MYH13: variants seen among roughly 807,000 people sequenced by gnomAD.
MYH13 encodes the protein myosin-13.
In MYH13, 177 loss-of-function variants were observed where a neutral mutation model predicts 232.1. The ratio of observed to expected loss-of-function variants is 0.76; its 90% CI spans 0.67 to 0.86. The LOEUF is 0.86. Ranked by LOEUF, MYH13 falls within the 40% of genes least tolerant of loss-of-function variation. MYH13 has a pLI of 0.00. For missense variants in MYH13, 2,246 were observed against 2,405.9 expected, an observed-to-expected ratio of 0.93 and a Z score of 1.39; for synonymous variants, 884 against 923.5, an observed-to-expected ratio of 0.96 and a Z score of 0.78.
chr17:10,339,917 G>A (rs2071608135), intron 18 of MYH13, among the ~76,000 whole-genome samples: 1 of 152,176 alleles, frequency 6.6e-6, no homozygotes, highest in Non-Finnish European at 1.5e-5. Flanking sequence ...CGTGAAATGT[G>A]CAAAGATCAT....
chr17:10,349,398 C>T (rs1288416573), intron 12 of MYH13, among the ~76,000 whole-genome samples: 1 of 151,908 alleles, frequency 6.6e-6, no homozygotes, highest in South Asian at 2.1e-4. Flanking sequence ...CTGTGCCCAG[C>T]CTGCTCATGA....
intron 23 of MYH13, among the ~76,000 whole-genome samples, chr17:10,323,397 C>A (rs1481072952): frequency 1.3e-5 from 2 of 152,004 alleles, no homozygotes; most frequent in African/African-American, 4.8e-5. Context: ...GCTATGGGAA[C>A]TGAAGAAGAA....
chr17:10,313,011 G>A, intron 30 of MYH13, 147 bp downstream of exon 30: 1 of 1,299,420 alleles, frequency 7.7e-7, no homozygotes, highest in East Asian at 2.5e-5. Context: ...AGGACAGGGA[G>A]ACCCCCAGAG....
At chr17:10,337,469 C>G (rs1483075846) in intron 18 of MYH13, among the ~76,000 whole-genome samples, 1 of 152,168 alleles carries the variant, frequency 6.6e-6, no homozygotes, top group African/African-American at 2.4e-5. Context: ...GAACAACTAG[C>G]AAGCCCCGTA....
chr17:10,340,564 G>A (rs1017494114), intron 16 of MYH13, among the ~76,000 whole-genome samples, 163 bp from the exon 17 acceptor site: 6 of 152,104 alleles, frequency 3.9e-5, no homozygotes, highest in Non-Finnish European at 7.4e-5. Context: ...TGTTGTCCAG[G>A]CTGGAGTGCA....
chr17:10,311,968 A>G lies in MYH13; in HGVS notation c.4474T>C (p.Tyr1492His). ...TCTAACTGGTCCACCACCTCCTCAT[A>G]GGCATTCCTCATCTTGAAGAGTTCA... Reference protein sequence around the residue: ...STELFKMRNAYEEVVDQLETL... With the variant: ...STELFKMRNAHEEVVDQLETL... The change falls in exon 32 of 41, where the codon TAT becomes CAT. Residue 1492 changes from tyrosine (Y) to histidine (H), a missense_variant. Coordinates refer to ENST00000252172, the MANE Select transcript of MYH13 (RefSeq NM_003802.3). 6.2e-7 allele frequency: 1 copy of G among 1,613,998 alleles called. No individual in the cohort carries two copies. Among genetic ancestry groups the G allele is most frequent in the East Asian group, 2.2e-5 (1 of 44,868 alleles).
rs1222676565 is a variant in MYH13, at chr17:10,345,334, A to G, written c.1452T>C (p.Asn484=). The change falls in exon 15 of 41, where the codon AAT becomes AAC. Residue 484 remains asparagine, a synonymous_variant. Coordinates refer to ENST00000252172, the MANE Select transcript of MYH13 (RefSeq NM_003802.3). ...SLEQLCINFT[N]EKLQQFFNHH... ...GGTTGAAAAACTGTTGCAGTTTCTCATTGGTGAAGTTGATGCACAGCTGCT... is the reference window on the plus strand; with the variant it reads ...GGTTGAAAAACTGTTGCAGTTTCTCGTTGGTGAAGTTGATGCACAGCTGCT... The G allele has an allele frequency of 1.9e-6, 3 of 1,614,200 alleles. No homozygotes were observed. Among genetic ancestry groups the G allele is most frequent in the Admixed American group, 3.3e-5 (2 of 60,028 alleles).
intron 5 of MYH13, 67 bp downstream of exon 5, chr17:10,362,051 C>A: frequency 6.2e-7 from 1 of 1,611,522 alleles, no homozygotes; most frequent in Non-Finnish European, 8.5e-7. Context: ...ATGGCCAACG[C>A]CCATCAAAAG....
chr17:10,336,918 T>C (rs912605327), intron 18 of MYH13, among the ~76,000 whole-genome samples: 18 of 91,018 alleles, frequency 2.0e-4, no homozygotes, highest in African/African-American at 5.6e-4. Flanking sequence ...TTGAGCACTG[T>C]GTCTTTTTTT....
intron 19 of MYH13, 64 bp downstream of exon 19, chr17:10,333,010 G>A (rs756771016): frequency 5.4e-6 from 7 of 1,302,434 alleles, no homozygotes; most frequent in Non-Finnish European, 7.6e-6. Flanking sequence ...GTCAAGAAAT[G>A]TCTTAGGGAA....
intron 11 of MYH13, among the ~76,000 whole-genome samples, chr17:10,354,216 G>A (rs1014873733): frequency 6.6e-6 from 1 of 152,184 alleles, no homozygotes; most frequent in African/African-American, 2.4e-5. Context: ...CCTGACAGGT[G>A]TACTGAGGAG....
At position 10,330,522 on chromosome 17, in the gene MYH13, A is replaced by G; in HGVS notation, c.2300T>C (p.Val767Ala). The change falls in exon 21 of 41, where the codon GTG becomes GCG. Residue 767 changes from valine to alanine, a missense_variant and splice_region_variant. By Grantham distance (64) the Val-to-Ala change is moderately conservative. Transcript: ENST00000252172. ...TCCCAGGAGCCCAGCTTTGAAAAACACCTGCATTAAAAGACAGAGGAGCCT... is the reference window on the plus strand; with the variant it reads ...TCCCAGGAGCCCAGCTTTGAAAAACGCCTGCATTAAAAGACAGAGGAGCCT... ...REQFRFGNTK[V>A]FFKAGLLGLL... 6.2e-7 allele frequency: 1 copy of G among 1,605,086 alleles called. No individual in the cohort carries two copies. The highest frequency in any genetic ancestry group is 8.5e-7 in the Non-Finnish European group (1 of 1,176,660).
intron 22 of MYH13, among the ~76,000 whole-genome samples, chr17:10,326,761 G>A (rs375157770): frequency 6.6e-6 from 1 of 150,808 alleles, no homozygotes; most frequent in South Asian, 2.1e-4. Context: ...ACAGGTGTGA[G>A]CCACCGCGTC....
At chr17:10,303,052 G>GGCA in intron 39 of MYH13, 144 bp downstream of exon 39, 1 of 691,442 alleles carries the variant, frequency 1.4e-6, no homozygotes, top group South Asian at 1.7e-5. Context: ...AGAGGAAGAG[G>GGCA]GCAGTTGTCT....
chr17:10,352,447 G>C (rs545858931), intron 11 of MYH13, among the ~76,000 whole-genome samples: 1 of 152,034 alleles, frequency 6.6e-6, no homozygotes, highest in East Asian at 1.9e-4. Flanking sequence ...AAAATTAGCC[G>C]AGCGTGGTGA....
intron 12 of MYH13, among the ~76,000 whole-genome samples, chr17:10,349,592 G>C (rs2071694190): frequency 6.6e-6 from 1 of 152,028 alleles, no homozygotes; most frequent in South Asian, 2.1e-4. Context: ...TGGCACCCAA[G>C]GTGTGCCCCC....
chr17:10,351,292 G>A lies in MYH13; in HGVS notation c.1006-598C>T, dbSNP rs541655064. ...ATAGATTTGGGGGAGCAGTTTTCTG[G>A]ATGAGGCGATTGGGAACCATTGTAT... On this transcript the variant is annotated intron_variant, in intron 11 of 40. Transcript: ENST00000252172. 4.6e-5 allele frequency among the ~76,000 whole-genome samples: 7 copies of A among 151,580 alleles called. No individual in the cohort carries two copies. In the South Asian group the frequency reaches 1.5e-3, roughly 32 times the overall value.
chr17:10,357,222 A>G (rs1263447463), intron 8 of MYH13, among the ~76,000 whole-genome samples: 1 of 152,148 alleles, frequency 6.6e-6, no homozygotes, highest in Non-Finnish European at 1.5e-5. Flanking sequence ...TCAGCCTCCC[A>G]AAGTGCTGGG....
At position 10,362,195 on chromosome 17, in the gene MYH13, T is replaced by C. The variant is rs368632087; in HGVS notation, c.428A>G (p.Tyr143Cys). The change falls in exon 5 of 41, where the codon TAC (tyrosine) becomes TGC (cysteine). Residue 143 changes from tyrosine to cysteine, a missense_variant. Coordinates refer to ENST00000252172, the MANE Select transcript of MYH13 (RefSeq NM_003802.3). ...GGCCTCCTGGCGCTTTTTGCCTCTG[T>C]AGGCAGCCACCACCTCGGGCTTGTA... Reference protein sequence around the residue: ...PVYKPEVVAAYRGKKRQEAPP... With the variant: ...PVYKPEVVAACRGKKRQEAPP... 1.9e-6 allele frequency: 3 copies of C among 1,613,812 alleles called. No individual in the cohort carries two copies. The African/African-American group carries it at 4.0e-5, about 22-fold the overall frequency.
Sources: allele counts gnomAD v4.1 joint callset (sites outside exome capture counted in the v4.1 genomes callset), GRCh38; gene constraint gnomAD v4.1.1; transcripts MANE v1.5; gene names NCBI Gene and HGNC (gene_info 2026-07-23, HGNC 2026-07-21).